The following CRMP1 variants were observed in gnomAD, a reference collection of about 807,000 sequenced individuals.
CRMP1 encodes dihydropyrimidinase-related protein 1.
Under a neutral mutation model 68.3 loss-of-function variants are expected in CRMP1, and 19 were observed. The ratio of observed to expected loss-of-function variants is 0.28; its 90% CI spans 0.19 to 0.41. The LOEUF is 0.41. CRMP1 is among the 10% of genes least tolerant of loss of function. The probability of loss-of-function intolerance (pLI) is 1.00; values close to 1 mark genes in which losing one functional copy is unlikely to be tolerated. For synonymous variants in CRMP1, 439 were observed against 399.6 expected (o/e 1.10, Z -1.18); for missense variants, 791 against 967.4 (o/e 0.82, Z 2.42).
At position 5,860,904 on chromosome 4, in the gene CRMP1, G is replaced by A. The variant is rs1713503188; in HGVS notation, c.655+122C>T. 1.0e-6 allele frequency: 1 copy of A among 962,302 alleles called. No individual in the cohort carries two copies. The highest frequency in any genetic ancestry group is 1.5e-6 in the Non-Finnish European group (1 of 656,422). The allele number at this position is 962,302 out of a possible 1,614,324, so 59.6% of individuals were successfully genotyped here. Reference sequence around the variant, plus strand: ...GTGACCTGTGTCATAGGGCTGGGGGGAGAATGAAATCCAATGGCACCCTGG... The same window carrying A: ...GTGACCTGTGTCATAGGGCTGGGGGAAGAATGAAATCCAATGGCACCCTGG... On this transcript the variant is annotated intron_variant, in intron 3 of 13. Coordinates refer to ENST00000324989, the MANE Select transcript of CRMP1 (RefSeq NM_001014809.3). The surrounding 1 kb of genome is among the most constrained non-coding windows in gnomAD (Gnocchi z 4.2).
intron 2 of CRMP1, among the ~76,000 whole-genome samples, chr4:5,863,285 C>A (rs1393119109): frequency 2.6e-5 from 4 of 152,018 alleles, no homozygotes; most frequent in Admixed American, 6.6e-5. Flanking sequence ...CATCAGCAAC[C>A]CTGCAAGGTA....
At position 5,889,898 on chromosome 4, in the gene CRMP1, A is replaced by T. The variant is rs1490580890; in HGVS notation, c.381+2691T>A. The T allele has an allele frequency of 1.6e-5, 23 of 1,408,812 alleles. No individual in the cohort carries two copies. The East Asian group carries it at 5.4e-4, about 33-fold the overall frequency. 87.3% of individuals were successfully genotyped at this position (1,408,812 alleles called of 1,614,324 possible). ...CACAGAGAAGCCAGCTCAGTATCCCAGGAACACTAGGCATAATTTTCCCAT... is the reference window on the plus strand; with the variant it reads ...CACAGAGAAGCCAGCTCAGTATCCCTGGAACACTAGGCATAATTTTCCCAT... On this transcript the variant is annotated intron_variant, in intron 1 of 13. Coordinates refer to ENST00000324989, the MANE Select transcript of CRMP1 (RefSeq NM_001014809.3). This position sits in a 1 kb window ranked among gnomAD's most constrained non-coding sequence, Gnocchi z 4.5.
rs191007448 is a variant in CRMP1 at position 5,836,295 on chromosome 4, G to A, written c.1453-210C>T. Among the ~76,000 whole-genome samples the A allele has an allele frequency of 4.6e-5, 7 of 152,262 alleles. 1 individual carries two copies. In the South Asian group the frequency reaches 6.2e-4, roughly 14 times the overall value. ...ATTAACCGCACAGAGGTATGTTGACGCAAGAGCCACTATGACATCTTGTCC... is the reference window on the plus strand; with the variant it reads ...ATTAACCGCACAGAGGTATGTTGACACAAGAGCCACTATGACATCTTGTCC... On this transcript the variant is annotated intron_variant, in intron 10 of 13. Transcript: ENST00000324989.
rs762716076 is a variant in CRMP1 at position 5,821,870 on chromosome 4, C to A, written c.1970-19G>T. ...TGGGCACCTGAAAGAGAGCGCCAAT[C>A]GCTGCTGGATGGGATCTGTTAGCAT... On this transcript the variant is annotated intron_variant, in intron 13 of 13. Transcript: ENST00000324989. The surrounding 1 kb of genome is among the most constrained non-coding windows in gnomAD (Gnocchi z 4.4). The A allele has an allele frequency of 2.4e-5, 37 of 1,537,942 alleles. No homozygotes were observed. The highest frequency in any genetic ancestry group is 3.1e-5 in the Non-Finnish European group (35 of 1,147,244).
At position 5,845,384 on chromosome 4, in the gene CRMP1, C is replaced by A. The variant is rs536617960; in HGVS notation, c.964-2223G>T. 6.6e-5 allele frequency among the ~76,000 whole-genome samples: 10 copies of A among 152,384 alleles called. No homozygotes were observed. In the South Asian group the frequency reaches 1.4e-3, roughly 22 times the overall value. On this transcript the variant is annotated intron_variant, in intron 6 of 13. Coordinates refer to ENST00000324989, the MANE Select transcript of CRMP1 (RefSeq NM_001014809.3). ...TAATCTGCTCTGAAGGAAGCCGCCT[C>A]GCTGGGGCTGCCCATGTGCAAGGAA...
rs1715199908 is a variant in CRMP1, at chr4:5,881,222, T to A, written c.381+11367A>T. Among the ~76,000 whole-genome samples the A allele has an allele frequency of 6.6e-6, 1 of 152,198 alleles. No individual in the cohort carries two copies. The highest frequency in any genetic ancestry group is 1.5e-5 in the Non-Finnish European group (1 of 68,042). Reference sequence around the variant, plus strand: ...TTTCTTCCTTTTAGCTGCTTGCTCTTGTTTTCTAGACAACTTCTCTATGAA... The same window carrying A: ...TTTCTTCCTTTTAGCTGCTTGCTCTAGTTTTCTAGACAACTTCTCTATGAA... On this transcript the variant is annotated intron_variant, in intron 1 of 13. Transcript: ENST00000324989. This position sits in a 1 kb window ranked among gnomAD's most constrained non-coding sequence, Gnocchi z 4.6.
rs1380438433 is a variant in CRMP1, at chr4:5,860,988, C to T, written c.655+38G>A. On this transcript the variant is annotated intron_variant, in intron 3 of 13. Coordinates refer to ENST00000324989, the MANE Select transcript of CRMP1 (RefSeq NM_001014809.3). The surrounding 1 kb of genome is among the most constrained non-coding windows in gnomAD (Gnocchi z 4.2). ...TGCTGGTGATGGGGAGGAGACCTCA[C>T]AGTCTATGTCCCTAAGGCAGGGGAC... The T allele has an allele frequency of 1.3e-6, 2 of 1,592,398 alleles. No homozygotes were observed. The highest frequency in any genetic ancestry group is 1.3e-5 in the African/African-American group (1 of 74,508).
intron 6 of CRMP1, among the ~76,000 whole-genome samples, chr4:5,847,686 A>G (rs1267512481): frequency 6.6e-6 from 1 of 152,210 alleles, no homozygotes; most frequent in Non-Finnish European, 1.5e-5. Flanking sequence ...CCAGCACTGA[A>G]CCATCATGTT....
chr4:5,846,436 G>A (rs1169049302), intron 6 of CRMP1, among the ~76,000 whole-genome samples: 3 of 152,188 alleles, frequency 2.0e-5, no homozygotes, highest in Non-Finnish European at 4.4e-5. Flanking sequence ...GTAGCGGAGG[G>A]ATTATCTGGA....
At position 5,866,572 on chromosome 4, in the gene CRMP1, C is replaced by A; in HGVS notation, c.470+96G>T. The A allele has an allele frequency of 1.2e-6, 1 of 849,904 alleles. No homozygotes were observed. The highest frequency in any genetic ancestry group is 2.1e-5 in the Admixed American group (1 of 46,912). 52.6% of individuals were successfully genotyped at this position (849,904 alleles called of 1,614,324 possible). A position where few individuals can be genotyped will look rare whatever the true frequency, so the allele number is the denominator to read the frequency against. ...CCCCTGAAACACAGGTACACAGCCC[C>A]GTCATTCTAGGACAGAATGCCAGCC... is the stretch of plus-strand genomic sequence containing the variant. On this transcript the variant is annotated intron_variant, in intron 2 of 13. Transcript: ENST00000324989. This position sits in a 1 kb window ranked among gnomAD's most constrained non-coding sequence, Gnocchi z 5.9.
In CRMP1 at chr4:5,865,619, CAAAA is replaced by C. The variant is rs1272645571; in HGVS notation, c.470+1045_470+1048del. 2.5e-5 allele frequency among the ~76,000 whole-genome samples: 2 copies of C among 78,820 alleles called. No individual in the cohort carries two copies. Among genetic ancestry groups the C allele is most frequent in the Admixed American group, 1.5e-4 (1 of 6,740 alleles). The allele number at this position is 78,820 out of a possible 152,430, so 51.7% of individuals were successfully genotyped here. A position where few individuals can be genotyped will look rare whatever the true frequency, so the allele number is the denominator to read the frequency against. ...CTGGTGACAGAGTGAGACTCCGTCT[CAAAA>C]AAAAAAAAAAAAAAGAAGGCCGCCG... On this transcript the variant is annotated intron_variant, in intron 2 of 13. Coordinates refer to ENST00000324989, the MANE Select transcript of CRMP1 (RefSeq NM_001014809.3). The surrounding 1 kb of genome is among the most constrained non-coding windows in gnomAD (Gnocchi z 4.1).
chr4:5,865,420 G>C lies in CRMP1; in HGVS notation c.470+1248C>G, dbSNP rs1713914742. Among the ~76,000 whole-genome samples, 1 of 152,002 alleles carries C rather than the reference G, an allele frequency of 6.6e-6. No individual in the cohort carries two copies. The highest frequency in any genetic ancestry group is 2.4e-5 in the African/African-American group (1 of 41,388). ...GCGGATCACGAGGTCAGGAGATCGA[G>C]ACCATCCTGGCCAACATGGTGAAAC... On this transcript the variant is annotated intron_variant, in intron 2 of 13. Coordinates refer to ENST00000324989, the MANE Select transcript of CRMP1 (RefSeq NM_001014809.3). The surrounding 1 kb of genome is among the most constrained non-coding windows in gnomAD (Gnocchi z 4.1).
intron 6 of CRMP1, among the ~76,000 whole-genome samples, chr4:5,846,316 T>G (rs1712194030): frequency 6.6e-6 from 1 of 152,104 alleles, no homozygotes; most frequent in African/African-American, 2.4e-5. Flanking sequence ...AAAAAAAATT[T>G]TTTTGAAGAG....
At position 5,821,692 on chromosome 4, in the gene CRMP1, C is replaced by T; in HGVS notation, c.*68G>A. The T allele has an allele frequency of 1.4e-6, 2 of 1,457,306 alleles. No individual in the cohort carries two copies. Among genetic ancestry groups the T allele is most frequent in the South Asian group, 1.3e-5 (1 of 79,800 alleles). The allele number at this position is 1,457,306 out of a possible 1,614,324, so 90.3% of individuals were successfully genotyped here. A position where few individuals can be genotyped will look rare whatever the true frequency, so the allele number is the denominator to read the frequency against. ...CAACTAAAACTGTGGGTTTCAAAAA[C>T]ACTGACAGGAAAAGGGATGGACATG... On this transcript the variant is annotated 3_prime_UTR_variant, in exon 14 of 14. Transcript: ENST00000324989. The surrounding 1 kb of genome is among the most constrained non-coding windows in gnomAD (Gnocchi z 4.4).
Position 5,825,099 on chromosome 4 carries a change from G to C in CRMP1, c.1969+395C>G, listed in dbSNP as rs138615210. The C allele has an allele frequency of 5.1e-6, 5 of 985,410 alleles. No individual in the cohort carries two copies. The highest frequency in any genetic ancestry group is 4.7e-5 in the South Asian group (1 of 21,292). 61.0% of individuals were successfully genotyped at this position (985,410 alleles called of 1,614,324 possible). A position where few individuals can be genotyped will look rare whatever the true frequency, so the allele number is the denominator to read the frequency against. On this transcript the variant is annotated intron_variant, in intron 13 of 13. Coordinates refer to ENST00000324989, the MANE Select transcript of CRMP1 (RefSeq NM_001014809.3). The surrounding 1 kb of genome is among the most constrained non-coding windows in gnomAD (Gnocchi z 4.4). ...CTTAGTACACTGCAGTGGGTGAACA[G>C]GCTAAAGACTTACACAGAGCACATG...
Position 5,854,808 on chromosome 4 carries a change from T to C in CRMP1, c.820+1335A>G, listed in dbSNP as rs1233685217. Among the ~76,000 whole-genome samples the C allele has an allele frequency of 6.6e-6, 1 of 152,162 alleles. No individual in the cohort carries two copies. The highest frequency in any genetic ancestry group is 1.5e-5 in the Non-Finnish European group (1 of 68,034). On this transcript the variant is annotated intron_variant, in intron 4 of 13. Transcript: ENST00000324989. This position sits in a 1 kb window ranked among gnomAD's most constrained non-coding sequence, Gnocchi z 4.0. ...TAGGATTTGCAGGGGTACAAGGGGA[T>C]GCATCTTTCAGGAAACCAATTTGGC... is the stretch of plus-strand genomic sequence containing the variant.
intron 12 of CRMP1, chr4:5,827,901 G>C (rs544878328): frequency 1.4e-5 from 6 of 440,916 alleles, no homozygotes; most frequent in Non-Finnish European, 1.8e-5. Flanking sequence ...TTGCTCTAAA[G>C]TTAGGAATAG....
In CRMP1 at chr4:5,888,233, T is replaced by A; in HGVS notation, c.381+4356A>T. On this transcript the variant is annotated intron_variant, in intron 1 of 13. Transcript: ENST00000324989. The surrounding 1 kb of genome is among the most constrained non-coding windows in gnomAD (Gnocchi z 6.4). ...CGGGGGCGGGGGCCGCTTACCGTGA[T>A]GTGCGGGATGCTCTTCTTGCCCTGG... 1.6e-6 allele frequency: 2 copies of A among 1,279,660 alleles called. No homozygotes were observed. The highest frequency in any genetic ancestry group is 2.0e-6 in the Non-Finnish European group (2 of 1,007,460). 79.3% of individuals were successfully genotyped at this position (1,279,660 alleles called of 1,614,324 possible). A position where few individuals can be genotyped will look rare whatever the true frequency, so the allele number is the denominator to read the frequency against.
Position 5,838,629 on chromosome 4 carries a change from C to A in CRMP1, c.1310+893G>T, listed in dbSNP as rs1356220914. 6.6e-6 allele frequency among the ~76,000 whole-genome samples: 1 copy of A among 152,134 alleles called. No individual in the cohort carries two copies. The highest frequency in any genetic ancestry group is 1.5e-5 in the Non-Finnish European group (1 of 68,030). On this transcript the variant is annotated intron_variant, in intron 9 of 13. Coordinates refer to ENST00000324989, the MANE Select transcript of CRMP1 (RefSeq NM_001014809.3). This position sits in a 1 kb window ranked among gnomAD's most constrained non-coding sequence, Gnocchi z 4.9. Reference sequence around the variant, plus strand: ...GACTAGCAGCTTTATGGGGGAAGATCTGCAGTTCTTTGTAAACGTGAGCTG... The same window carrying A: ...GACTAGCAGCTTTATGGGGGAAGATATGCAGTTCTTTGTAAACGTGAGCTG...
Sources: allele counts gnomAD v4.1 joint callset (sites outside exome capture counted in the v4.1 genomes callset), GRCh38; gene constraint gnomAD v4.1.1; non-coding constraint Gnocchi (gnomAD v3.1); transcripts MANE v1.5; gene names NCBI Gene and HGNC (gene_info 2026-07-23, HGNC 2026-07-21).